Variants in MTHFD1L observed in about 807,000 individuals in gnomAD.
MTHFD1L encodes the protein methylenetetrahydrofolate dehydrogenase (NADP+ dependent) 1 like.
Under a neutral mutation model 119.5 loss-of-function variants are expected in MTHFD1L, and 81 were observed. The observed-to-expected ratio is 0.68, with a 90% confidence interval of 0.57 to 0.82. The LOEUF (loss-of-function observed/expected upper bound fraction) is 0.82, where lower values mean the gene tolerates loss of function less well. Ranked by LOEUF, MTHFD1L falls within the 40% of genes least tolerant of loss-of-function variation. MTHFD1L has a pLI of 0.00. For synonymous variants in MTHFD1L, 430 were observed against 475.2 expected, an observed-to-expected ratio of 0.90 and a Z score of 1.24; for missense variants, 1,125 against 1,253.4, an observed-to-expected ratio of 0.90 and a Z score of 1.55.
intron 17 of MTHFD1L, among the ~76,000 whole-genome samples, chr6:150,958,036 A>G (rs1344972777): frequency 6.6e-6 from 1 of 152,144 alleles, no homozygotes; most frequent in Non-Finnish European, 1.5e-5. Flanking sequence ...CATTGTATTG[A>G]TAGTTCCATT....
chr6:151,079,010 A>G (rs971218160), intron 26 of MTHFD1L, among the ~76,000 whole-genome samples: 1 of 152,176 alleles, frequency 6.6e-6, no homozygotes, highest in African/African-American at 2.4e-5. Context: ...CTGAGCCTAT[A>G]CGTGAACGTA....
chr6:150,937,333 G>A (rs550743210), intron 12 of MTHFD1L, among the ~76,000 whole-genome samples: 1 of 152,318 alleles, frequency 6.6e-6, no homozygotes, highest in South Asian at 2.1e-4. Flanking sequence ...TGGAGTTGCT[G>A]TGTGGGGCCC....
chr6:151,041,593 C>G (rs1281702785), intron 26 of MTHFD1L, among the ~76,000 whole-genome samples: 4 of 152,240 alleles, frequency 2.6e-5, no homozygotes, highest in Non-Finnish European at 5.9e-5. Flanking sequence ...AGGGTTCATT[C>G]ATTTACTCAG....
intron 7 of MTHFD1L, among the ~76,000 whole-genome samples, chr6:150,896,623 GT>G (rs1784267224): frequency 6.6e-6 from 1 of 152,160 alleles, no homozygotes; most frequent in African/African-American, 2.4e-5. Flanking sequence ...GATTTAGGGG[GT>G]CAGCTCACCA....
chr6:151,064,031 C>G (rs911928405), intron 26 of MTHFD1L, among the ~76,000 whole-genome samples: 1 of 152,000 alleles, frequency 6.6e-6, no homozygotes, highest in African/African-American at 2.4e-5. Context: ...CTACTGGGAC[C>G]AGGCCACTCC....
rs926409355 is a variant in MTHFD1L, at chr6:151,033,181, G to A, written c.2587-1312G>A. 2.0e-5 allele frequency among the ~76,000 whole-genome samples: 3 copies of A among 151,174 alleles called. No homozygotes were observed. The South Asian group carries it at 6.3e-4, about 32-fold the overall frequency. On this transcript the variant is annotated intron_variant, in intron 24 of 27. Transcript: ENST00000367321. Reference sequence around the variant, plus strand: ...TCACCCAGGCTTGAAGTGCAGTGGCGCGATCTTGGCTCACTGCAACCTCTG... The same window carrying A: ...TCACCCAGGCTTGAAGTGCAGTGGCACGATCTTGGCTCACTGCAACCTCTG...
intron 11 of MTHFD1L, among the ~76,000 whole-genome samples, chr6:150,928,801 T>C (rs12212452): frequency 0.52 from 79,113 of 151,826 alleles, 22,736 homozygotes; most frequent in African/African-American, 0.78. Context: ...GCCTCCTCCT[T>C]CCAAAGTGCT....
At chr6:150,914,179 C>A (rs1180539506) in intron 8 of MTHFD1L, among the ~76,000 whole-genome samples, 1 of 152,152 alleles carries the variant, frequency 6.6e-6, no homozygotes, top group Non-Finnish European at 1.5e-5. Context: ...CGCCTGTAGT[C>A]CCAGCTACTT....
intron 20 of MTHFD1L, among the ~76,000 whole-genome samples, chr6:151,005,726 A>G (rs574258117): frequency 1.2e-4 from 18 of 152,142 alleles, no homozygotes; most frequent in Admixed American, 2.0e-4. Flanking sequence ...GTGAGCTGTG[A>G]TCGTGCCATT....
At position 151,009,900 on chromosome 6, in the gene MTHFD1L, A is replaced by G. The variant is rs202154575; in HGVS notation, c.2207A>G (p.Asn736Ser). ...TGCCGAGCTTCCGGCTTGGTGCCCA[A>G]CGTGGTTGTGTTAGTGGCAACGGTG... ...IKCRASGLVP[N>S]VVVLVATVRA... Residue 736 changes from asparagine (N) to serine (S), a missense_variant, in exon 21 of 28, where the codon AAC becomes AGC. Asn to Ser is a conservative substitution (Grantham distance 46, BLOSUM62 1). Around this residue, in one of 3 missense-constraint regions of MTHFD1L, gnomAD observed 1,058 missense variants for 1,151.2 expected, o/e 0.92. Transcript: ENST00000367321. 5.6e-6 allele frequency: 9 copies of G among 1,613,704 alleles called. No individual in the cohort carries two copies. The highest frequency in any genetic ancestry group is 2.2e-5 in the East Asian group (1 of 44,854).
chr6:150,955,068 G>A (rs1720348744), intron 16 of MTHFD1L, among the ~76,000 whole-genome samples: 1 of 149,936 alleles, frequency 6.7e-6, no homozygotes, highest in Non-Finnish European at 1.5e-5. Flanking sequence ...CCATTTGTAA[G>A]CACACAATTC....
intron 11 of MTHFD1L, among the ~76,000 whole-genome samples, chr6:150,927,289 T>C (rs1441305320): frequency 6.6e-6 from 1 of 152,048 alleles, no homozygotes; most frequent in Non-Finnish European, 1.5e-5. Context: ...AGGACTGTTT[T>C]GACGCTGATA....
At chr6:150,996,135 T>C (rs1349261666) in intron 20 of MTHFD1L, among the ~76,000 whole-genome samples, 2 of 152,214 alleles carry the variant, frequency 1.3e-5, no homozygotes, top group Admixed American at 1.3e-4. Flanking sequence ...CTTCTGTTAA[T>C]GCTTTTACCA....
chr6:150,982,726 G>GTC (rs1157496336), intron 20 of MTHFD1L, among the ~76,000 whole-genome samples: 1 of 150,274 alleles, frequency 6.7e-6, no homozygotes, highest in Non-Finnish European at 1.5e-5. Flanking sequence ...TTGAGACAGA[G>GTC]TCTCTCTCTG....
At chr6:150,933,641 T>C (rs1203424020) in intron 11 of MTHFD1L, among the ~76,000 whole-genome samples, 1 of 152,092 alleles carries the variant, frequency 6.6e-6, no homozygotes, top group African/African-American at 2.4e-5. Flanking sequence ...GACCTCCTTG[T>C]TGCTGAATCC....
At chr6:150,987,517 C>T (rs1778471584) in intron 20 of MTHFD1L, among the ~76,000 whole-genome samples, 1 of 152,214 alleles carries the variant, frequency 6.6e-6, no homozygotes, top group South Asian at 2.1e-4. Flanking sequence ...GCTCAAACAA[C>T]ACCATGAGTA....
intron 4 of MTHFD1L, among the ~76,000 whole-genome samples, chr6:150,880,204 CCTAT>C (rs1188469835): frequency 6.6e-6 from 1 of 152,106 alleles, no homozygotes; most frequent in East Asian, 1.9e-4. Flanking sequence ...ATTTATTCCT[CCTAT>C]CTAAGTGTAA....
intron 26 of MTHFD1L, among the ~76,000 whole-genome samples, chr6:151,078,072 A>AAAAAAAAAAAAAAG (rs1792754188): frequency 6.6e-6 from 1 of 151,254 alleles, no homozygotes; most frequent in Non-Finnish European, 1.5e-5. Context: ...AAAAAAAAAA[A>AAAAAAAAAAAAAAG]AATCAAGGAA....
At chr6:150,932,814 G>A (rs6928297) in intron 11 of MTHFD1L, among the ~76,000 whole-genome samples, 3,357 of 86,744 alleles carry the variant, frequency 0.039, 42 homozygotes, top group South Asian at 0.05. Flanking sequence ...AAGAGAGGGA[G>A]GGAGGAAGGA....
Sources: allele counts gnomAD v4.1 joint callset (sites outside exome capture counted in the v4.1 genomes callset), GRCh38; gene constraint gnomAD v4.1.1; regional missense constraint gnomAD v4.1.1; transcripts MANE v1.5; gene names NCBI Gene and HGNC (gene_info 2026-07-23, HGNC 2026-07-21).